DSE: variants seen among roughly 807,000 people sequenced by gnomAD.
DSE encodes dermatan-sulfate epimerase.
DSE carries 36 observed loss-of-function variants against 84.4 expected under a neutral mutation model. That is an observed-to-expected ratio of 0.43 (90% CI 0.33 to 0.56). The LOEUF (loss-of-function observed/expected upper bound fraction) is 0.56, where lower values mean the gene tolerates loss of function less well. DSE is among the 20% of genes least tolerant of loss of function. The pLI, the probability that DSE is intolerant of heterozygous loss-of-function variation, is 0.06. For missense variants in DSE, 862 were observed against 1,169.6 expected, an observed-to-expected ratio of 0.74 and a Z score of 3.84; for synonymous variants, 410 against 430.1, an observed-to-expected ratio of 0.95 and a Z score of 0.58.
At chr6:116,259,753 T>A (rs1417226439) in intron 2 of DSE, among the ~76,000 whole-genome samples, 1 of 152,220 alleles carries the variant, frequency 6.6e-6, no homozygotes, top group African/African-American at 2.4e-5. Flanking sequence ...TGGTTTCCTG[T>A]TCCTGCTTTA....
rs886410758 is a variant in DSE at position 116,426,295 on chromosome 6, A to G, written c.417-279A>G. Among the ~76,000 whole-genome samples, 4 of 152,322 alleles carry G rather than the reference A, an allele frequency of 2.6e-5. No individual in the cohort carries two copies. In the East Asian group the frequency reaches 5.8e-4, roughly 22 times the overall value. On this transcript the variant is annotated intron_variant, in intron 2 of 5. Transcript: ENST00000644252. ...TTCTATGCTTCAGATCTCTTTGAAT[A>G]TATTCTACTACTTCTTGTCATGAGT...
chr6:116,258,698 C>A, exon 2 of DSE: 1 of 1,606,232 alleles, frequency 6.2e-7, no homozygotes, highest in East Asian at 2.2e-5. Context: ...GGGGACACGT[C>A]CACAGCCTGT....
intron 2 of DSE, among the ~76,000 whole-genome samples, chr6:116,301,946 C>A (rs572260673): frequency 2.1e-4 from 32 of 152,298 alleles, no homozygotes; most frequent in African/African-American, 7.7e-4. Flanking sequence ...TCATCCGTGT[C>A]CCTGCAAAGG....
In DSE at chr6:116,436,022, A is replaced by C; in HGVS notation, c.1554A>C (p.Ala518=). Residue 518 remains alanine (A), a synonymous_variant, in exon 6 of 6, where the codon GCA becomes GCC. Coordinates refer to ENST00000644252, the MANE Select transcript of DSE (RefSeq NM_013352.4). ...SKWSKYKHDL[A]ASCQGRVVAA... ...GGTCTAAATACAAGCATGACCTGGCAGCTAGTTGTCAGGGGAGGGTGGTTG... is the reference window on the plus strand; with the variant it reads ...GGTCTAAATACAAGCATGACCTGGCCGCTAGTTGTCAGGGGAGGGTGGTTG... The C allele has an allele frequency of 6.2e-7, 1 of 1,614,152 alleles. No individual in the cohort carries two copies. The highest frequency in any genetic ancestry group is 2.2e-5 in the East Asian group (1 of 44,878).
intron 2 of DSE, among the ~76,000 whole-genome samples, chr6:116,297,857 T>C (rs1467755640): frequency 6.6e-6 from 1 of 152,174 alleles, no homozygotes; most frequent in Admixed American, 6.5e-5. Context: ...ACTAGGCTCT[T>C]AATAAAATCT....
intron 2 of DSE, among the ~76,000 whole-genome samples, chr6:116,349,165 T>G (rs1778170580): frequency 6.6e-6 from 1 of 152,142 alleles, no homozygotes; most frequent in Non-Finnish European, 1.5e-5. Flanking sequence ...AATATTTATA[T>G]ACACTAATAT....
chr6:116,340,888 A>G (rs551479773), intron 2 of DSE, among the ~76,000 whole-genome samples: 9 of 152,284 alleles, frequency 5.9e-5, no homozygotes, highest in African/African-American at 2.2e-4. Flanking sequence ...CAGTCTATCA[A>G]TGATGGACAT....
intron 2 of DSE, among the ~76,000 whole-genome samples, chr6:116,359,056 T>C (rs12528393): frequency 0.11 from 16,959 of 152,174 alleles, 1,301 homozygotes; most frequent in Admixed American, 0.19. Context: ...GTTGATCAAA[T>C]TCTCTTTCTT....
chr6:116,350,693 A>G (rs1467847599), intron 2 of DSE, among the ~76,000 whole-genome samples: 1 of 152,196 alleles, frequency 6.6e-6, no homozygotes, highest in Non-Finnish European at 1.5e-5. Flanking sequence ...AGAAAAGTAT[A>G]TGACTCTCTA....
At chr6:116,309,466 T>C (rs917384871) in intron 2 of DSE, among the ~76,000 whole-genome samples, 3 of 152,218 alleles carry the variant, frequency 2.0e-5, no homozygotes, top group East Asian at 1.9e-4. Context: ...TGGATGAGGA[T>C]AGTATTTATG....
intron 2 of DSE, among the ~76,000 whole-genome samples, chr6:116,417,602 T>C (rs1782798315): frequency 6.6e-6 from 1 of 152,148 alleles, no homozygotes; most frequent in Non-Finnish European, 1.5e-5. Flanking sequence ...AATTAAGTGG[T>C]AATGTACTGC....
At chr6:116,415,620 G>T (rs1378334010) in intron 2 of DSE, among the ~76,000 whole-genome samples, 4 of 84,210 alleles carry the variant, frequency 4.8e-5, no homozygotes, top group Non-Finnish European at 5.0e-5. Context: ...TTCCTCTGCT[G>T]TTTTCTATTT....
chr6:116,340,083 A>G (rs1009992718), intron 2 of DSE, among the ~76,000 whole-genome samples: 1 of 152,236 alleles, frequency 6.6e-6, no homozygotes, highest in African/African-American at 2.4e-5. Context: ...AGAGTACAGA[A>G]TCACAGAGAG....
chr6:116,270,696 T>C (rs1220478363), intron 2 of DSE, among the ~76,000 whole-genome samples: 2 of 152,212 alleles, frequency 1.3e-5, no homozygotes, highest in Non-Finnish European at 2.9e-5. Context: ...ATATCCCTTT[T>C]AAAAGCTACT....
At chr6:116,281,153 G>C (rs138237366) in intron 2 of DSE, among the ~76,000 whole-genome samples, 95 of 152,264 alleles carry the variant, frequency 6.2e-4, no homozygotes, top group African/African-American at 2.2e-3. Context: ...GAGAGGGAAG[G>C]AATGGTGGAG....
At chr6:116,393,610 G>C (rs1029620914) in intron 1 of DSE, among the ~76,000 whole-genome samples, 1 of 152,220 alleles carries the variant, frequency 6.6e-6, no homozygotes, top group Non-Finnish European at 1.5e-5. Context: ...GATGACAGAA[G>C]GGAGGTTTTG....
intron 2 of DSE, among the ~76,000 whole-genome samples, chr6:116,319,197 T>C (rs928720155): frequency 2.6e-5 from 4 of 152,238 alleles, no homozygotes; most frequent in African/African-American, 9.6e-5. Flanking sequence ...ACTTAGAGGA[T>C]TTCTCACAGA....
chr6:116,415,542 C>CT (rs1782645462), intron 2 of DSE, among the ~76,000 whole-genome samples: 1 of 134,658 alleles, frequency 7.4e-6, no homozygotes, highest in African/African-American at 2.6e-5. Flanking sequence ...TTTCTTTTTT[C>CT]TTTCTTTTTT....
chr6:116,266,532 T>A (rs1009494200), intron 2 of DSE, among the ~76,000 whole-genome samples: 54 of 152,222 alleles, frequency 3.5e-4, no homozygotes, highest in Admixed American at 1.8e-3. Context: ...GAATTTTGAA[T>A]AGTAATTAAG....
Sources: gnomAD v4.1 joint callset for allele counts (sites outside exome capture counted in the v4.1 genomes callset) on GRCh38, gnomAD v4.1.1 for gene constraint, MANE v1.5 for transcripts, NCBI Gene and HGNC (gene_info 2026-07-23, HGNC 2026-07-21) for gene names.